GMEB1: variants seen among roughly 807,000 people sequenced by gnomAD.
The protein encoded by GMEB1 is glucocorticoid modulatory element binding protein 1.
Under a neutral mutation model 52.4 loss-of-function variants are expected in GMEB1, and 6 were observed. That is an observed-to-expected ratio of 0.11 (90% confidence interval 0.06 to 0.23). The LOEUF is 0.23. GMEB1 is among the 10% of genes least tolerant of loss of function. GMEB1 has a pLI of 1.00. For missense variants in GMEB1, 486 were observed against 685.6 expected (o/e 0.71, Z 3.25); for synonymous variants, 255 against 244.9 (o/e 1.04, Z -0.38).
chr1:28,716,470 C>T lies in GMEB1; in HGVS notation c.*1697C>T, dbSNP rs1671276197. 1 of 152,174 alleles carries T rather than the reference C, an allele frequency of 6.6e-6. No homozygotes were observed. The highest frequency in any genetic ancestry group is 1.5e-5 in the Non-Finnish European group (1 of 68,056). 9.4% of individuals were successfully genotyped at this position (152,174 alleles called of 1,614,324 possible). ...CTTAATGGCATCTGTCTCCTAGAAC[C>T]CACGCTCTTCAGCTTTTTGGCTGAT... On this transcript the variant is annotated 3_prime_UTR_variant, in exon 10 of 10. Coordinates refer to ENST00000373816, the MANE Select transcript of GMEB1 (RefSeq NM_001319674.2).
Position 28,717,744 on chromosome 1 carries a change from A to C in GMEB1, c.*2971A>C, listed in dbSNP as rs1209066931. On this transcript the variant is annotated 3_prime_UTR_variant, in exon 10 of 10. Coordinates refer to ENST00000373816, the MANE Select transcript of GMEB1 (RefSeq NM_001319674.2). ...AATCTACTTGAATCTAGGAAGGCAC[A>C]TCTCATCCCTATTGTGGTTTTTAGG... 6.6e-6 allele frequency: 1 copy of C among 152,178 alleles called. No individual in the cohort carries two copies. The highest frequency in any genetic ancestry group is 1.5e-5 in the Non-Finnish European group (1 of 68,040). The allele number at this position is 152,178 out of a possible 1,614,324, so 9.4% of individuals were successfully genotyped here. A position where few individuals can be genotyped will look rare whatever the true frequency, so the allele number is the denominator to read the frequency against.
intron 7 of GMEB1, 21 bp from the exon 8 acceptor site, chr1:28,704,171 G>T (rs761417400): frequency 1.2e-6 from 2 of 1,604,210 alleles, no homozygotes; most frequent in Admixed American, 3.4e-5. Context: ...TTTACCCTCT[G>T]TCTTATCCTT....
chr1:28,690,149 A>G lies in GMEB1; in HGVS notation c.174A>G (p.Val58=), dbSNP rs1389083815. 1 of 1,592,668 alleles carries G rather than the reference A, an allele frequency of 6.3e-7. No homozygotes were observed. Among genetic ancestry groups the G allele is most frequent in the South Asian group, 1.1e-5 (1 of 88,384 alleles). ...GSENNTAVVA[V]ETHTIHKIEE... is the part of the protein sequence containing the mutation. ...AGAACAACACGGCAGTTGTAGCAGT[A>G]GAAACTCACACGATACACAAAATTG... The change falls in exon 3 of 10, where the codon GTA becomes GTG. Residue 58 remains valine (V), a synonymous_variant. Transcript: ENST00000373816.
At chr1:28,682,598 C>A (rs1449121549) in intron 1 of GMEB1, among the ~76,000 whole-genome samples, 1 of 135,404 alleles carries the variant, frequency 7.4e-6, no homozygotes, top group Admixed American at 8.3e-5. Context: ...CTCGTCTGGG[C>A]GACAGAGTGA....
chr1:28,701,637 T>C (rs537693866), intron 6 of GMEB1, among the ~76,000 whole-genome samples: 1 of 151,596 alleles, frequency 6.6e-6, no homozygotes, highest in Non-Finnish European at 1.5e-5. Flanking sequence ...GGCACAACCA[T>C]GGTTTACTGC....
At position 28,690,203 on chromosome 1, in the gene GMEB1, GTTTT is replaced by G. The variant is rs878890649; in HGVS notation, c.211+35_211+38del. The G allele has an allele frequency of 1.4e-3, 739 of 513,856 alleles. 3 individuals carry two copies. The highest frequency in any genetic ancestry group is 2.2e-3 in the South Asian group (95 of 42,388). 31.8% of individuals were successfully genotyped at this position (513,856 alleles called of 1,614,324 possible). On this transcript the variant is annotated intron_variant, in intron 3 of 9. Coordinates refer to ENST00000373816, the MANE Select transcript of GMEB1 (RefSeq NM_001319674.2). Reference sequence around the variant, plus strand: ...AAGGGATTGGTAAGGGTTTTTTTGTGTTTTTTTTTTTTTTTTTTTTTGTCATTCT... The same window carrying G: ...AAGGGATTGGTAAGGGTTTTTTTGTGTTTTTTTTTTTTTTTTTGTCATTCT...
At chr1:28,693,181 G>C in intron 5 of GMEB1, 136 bp downstream of exon 5, 1 of 401,490 alleles carries the variant, frequency 2.5e-6, no homozygotes, top group Non-Finnish European at 4.5e-6. Flanking sequence ...TGCATTATTT[G>C]ACTTTAATCA....
intron 1 of GMEB1, among the ~76,000 whole-genome samples, chr1:28,682,227 T>C (rs1669422320): frequency 6.6e-6 from 1 of 152,076 alleles, no homozygotes; most frequent in Admixed American, 6.6e-5. Flanking sequence ...GGAGTAACTT[T>C]AGAGTCAAGG....
chr1:28,701,411 A>G (rs1670506886), intron 6 of GMEB1, among the ~76,000 whole-genome samples: 1 of 151,584 alleles, frequency 6.6e-6, no homozygotes, highest in Non-Finnish European at 1.5e-5. Context: ...CTGGGACTAC[A>G]GGCACCCGCC....
intron 2 of GMEB1, chr1:28,689,786 C>T (rs1669868628): frequency 9.6e-6 from 2 of 207,568 alleles, no homozygotes; most frequent in Non-Finnish European, 9.5e-6. Context: ...TGTTCCACTA[C>T]TGAGATTTAA....
chr1:28,689,878 T>C (rs764146597), intron 2 of GMEB1: 1 of 409,550 alleles, frequency 2.4e-6, no homozygotes, highest in Non-Finnish European at 4.3e-6. Flanking sequence ...AAAATTACTT[T>C]CCTTTGAGGT....
At chr1:28,683,142 C>A (rs1669472894) in intron 1 of GMEB1, among the ~76,000 whole-genome samples, 1 of 152,104 alleles carries the variant, frequency 6.6e-6, no homozygotes, top group African/African-American at 2.4e-5. Flanking sequence ...CAGTTCCCAT[C>A]CTTTTTAGAG....
At chr1:28,684,786 T>C (rs1435503272) in intron 2 of GMEB1, among the ~76,000 whole-genome samples, 5 of 151,860 alleles carry the variant, frequency 3.3e-5, no homozygotes, top group African/African-American at 1.2e-4. Context: ...AGTCAATAGG[T>C]GCAGCAAACC....
intron 2 of GMEB1, among the ~76,000 whole-genome samples, chr1:28,687,990 A>G (rs149439240): frequency 5.9e-5 from 9 of 152,258 alleles, no homozygotes; most frequent in Non-Finnish European, 8.8e-5. Flanking sequence ...GGGACTTCCA[A>G]ATGTATTTAT....
At position 28,687,376 on chromosome 1, in the gene GMEB1, AC is replaced by A. The variant is rs1557504243; in HGVS notation, c.129-2727del. ...CACACACACACACACACACACACACACACACACACACAAAAAAAGACAGTGG... is the reference window on the plus strand; with the variant it reads ...CACACACACACACACACACACACACAACACACACACAAAAAAAGACAGTGG... On this transcript the variant is annotated intron_variant, in intron 2 of 9. Coordinates refer to ENST00000373816, the MANE Select transcript of GMEB1 (RefSeq NM_001319674.2). 8.4e-3 allele frequency among the ~76,000 whole-genome samples: 1,043 copies of A among 124,620 alleles called. 153 individuals are homozygous for A. The highest frequency in any genetic ancestry group is 0.027 in the Middle Eastern group (7 of 258). 81.8% of individuals were successfully genotyped at this position (124,620 alleles called of 152,430 possible).
intron 1 of GMEB1, among the ~76,000 whole-genome samples, chr1:28,682,760 G>A (rs138687664): frequency 1.3e-5 from 2 of 152,070 alleles, no homozygotes; most frequent in Non-Finnish European, 2.9e-5. Context: ...TATTTTAAAG[G>A]ATGGAGAACT....
intron 2 of GMEB1, among the ~76,000 whole-genome samples, chr1:28,688,996 A>T (rs1669827658): frequency 6.7e-6 from 1 of 150,072 alleles, no homozygotes; most frequent in Admixed American, 6.7e-5. Flanking sequence ...GGTTCAAGTG[A>T]TTCTCCTGCC....
chr1:28,700,949 A>T (rs1037973631), intron 6 of GMEB1, among the ~76,000 whole-genome samples: 1 of 151,942 alleles, frequency 6.6e-6, no homozygotes, highest in African/African-American at 2.4e-5. Context: ...CCAAACATGG[A>T]TGGAAAATAT....
chr1:28,686,486 G>A (rs1171991226), intron 2 of GMEB1, among the ~76,000 whole-genome samples: 2 of 151,986 alleles, frequency 1.3e-5, no homozygotes, highest in East Asian at 1.9e-4. Flanking sequence ...AAAATTAGCC[G>A]GGTGTGGTGG....
Sources: gnomAD v4.1 joint callset for allele counts (sites outside exome capture counted in the v4.1 genomes callset) on GRCh38, gnomAD v4.1.1 for gene constraint, MANE v1.5 for transcripts, NCBI Gene and HGNC (gene_info 2026-07-23, HGNC 2026-07-21) for gene names.